SPATC1: variants seen among roughly 807,000 people sequenced by gnomAD.
SPATC1 encodes spermatogenesis and centriole associated 1.
In SPATC1, 35 loss-of-function variants were observed where a neutral mutation model predicts 36.5. The ratio of observed to expected loss-of-function variants is 0.96; its 90% confidence interval spans 0.73 to 1.27. The LOEUF is 1.27. SPATC1 is among the 50% of genes most tolerant of loss of function. The pLI, the probability that SPATC1 is intolerant of heterozygous loss-of-function variation, is 0.00. For synonymous variants in SPATC1, 361 were observed against 353.6 expected (o/e 1.02, Z -0.24); for missense variants, 779 against 796.0 (o/e 0.98, Z 0.26).
rs568788545 is a variant in SPATC1, at chr8:144,046,512, A to G, written c.1447-115A>G. 441 of 977,516 alleles carry G rather than the reference A, an allele frequency of 4.5e-4. 9 individuals are homozygous for G. The South Asian group carries it at 6.8e-3, about 15-fold the overall frequency. The allele number at this position is 977,516 out of a possible 1,614,324, so 60.6% of individuals were successfully genotyped here. A position where few individuals can be genotyped will look rare whatever the true frequency, so the allele number is the denominator to read the frequency against. ...GTCTGTCGCAGAACCTCCCCACCGC[A>G]CACCCCTCGGATCCTGGCCATCTCA... On this transcript the variant is annotated intron_variant, in intron 4 of 4. Coordinates refer to ENST00000377470, the MANE Select transcript of SPATC1 (RefSeq NM_198572.3). This position sits in a 1 kb window ranked among gnomAD's most constrained non-coding sequence, Gnocchi z 6.6.
chr8:144,024,374 C>CTA, intron 1 of SPATC1, among the ~76,000 whole-genome samples: 1 of 133,508 alleles, frequency 7.5e-6, no homozygotes, highest in Middle Eastern at 3.8e-3. Flanking sequence ...CCCAAAGGAC[C>CTA]CCCTTCCCTC....
chr8:144,037,678 G>C (rs556028886), intron 1 of SPATC1, among the ~76,000 whole-genome samples: 2 of 151,868 alleles, frequency 1.3e-5, no homozygotes, highest in Admixed American at 1.3e-4. Context: ...GTGGAAGGCC[G>C]CAGGGTCCTC....
At chr8:144,036,484 C>T (rs1014909983) in intron 1 of SPATC1, among the ~76,000 whole-genome samples, 6 of 152,166 alleles carry the variant, frequency 3.9e-5, no homozygotes, top group Non-Finnish European at 5.9e-5. Context: ...CCACCATACC[C>T]GGCTAATTTT....
chr8:144,028,728 A>G (rs1161270992), intron 1 of SPATC1, among the ~76,000 whole-genome samples: 5 of 152,248 alleles, frequency 3.3e-5, no homozygotes, highest in Admixed American at 1.3e-4. Flanking sequence ...AATATAAATC[A>G]TTCTATTATG....
At chr8:144,027,903 G>T (rs1170799781) in intron 1 of SPATC1, among the ~76,000 whole-genome samples, 1 of 152,018 alleles carries the variant, frequency 6.6e-6, no homozygotes, top group African/African-American at 2.4e-5. Flanking sequence ...TGAGGCAGGA[G>T]AATCACTTGA....
Position 144,016,981 on chromosome 8 carries a change from C to T in SPATC1, c.211+4255C>T, listed in dbSNP as rs537564939. The stretch of plus-strand genomic sequence containing the variant: ...ACAGAGAATAATCATGTTTGTGCTT[C>T]AGAAACGTTACCCCAGATGCTATGG... On this transcript the variant is annotated intron_variant, in intron 1 of 4. Transcript: ENST00000377470. This position sits in a 1 kb window ranked among gnomAD's most constrained non-coding sequence, Gnocchi z 4.5. 5.8e-4 allele frequency among the ~76,000 whole-genome samples: 88 copies of T among 152,148 alleles called. No homozygotes were observed. The highest frequency in any genetic ancestry group is 1.1e-3 in the Non-Finnish European group (72 of 68,032).
At chr8:144,024,713 G>A (rs1477041525) in intron 1 of SPATC1, among the ~76,000 whole-genome samples, 2 of 136,972 alleles carry the variant, frequency 1.5e-5, no homozygotes, top group Middle Eastern at 4.5e-3. Flanking sequence ...TTTCCCTGAA[G>A]GCCCTCTTCC....
rs782277214 is a variant in SPATC1, at chr8:144,040,782, C to G, written c.981C>G (p.Thr327=). The change falls in exon 3 of 5, where the codon ACC becomes ACG. Residue 327 remains threonine, a synonymous_variant. Transcript: ENST00000377470. The stretch of plus-strand genomic sequence containing the variant: ...CTGCATCTGTCCCCACCTCCCCCAC[C>G]ACCTCCCCCACGGTCACCGTCCTTG... ...VVPASVPTSP[T]TSPTVTVLAS... 1.3e-6 allele frequency: 2 copies of G among 1,563,906 alleles called. No homozygotes were observed. Among genetic ancestry groups the G allele is most frequent in the African/African-American group, 2.8e-5 (2 of 71,462 alleles).
intron 1 of SPATC1, among the ~76,000 whole-genome samples, chr8:144,034,588 T>G (rs2133131775): frequency 6.6e-6 from 1 of 152,266 alleles, no homozygotes; most frequent in South Asian, 2.1e-4. Flanking sequence ...CCCACCTCTT[T>G]TTCAGAGTGG....
At chr8:144,014,115 G>A (rs1467966677) in intron 1 of SPATC1, among the ~76,000 whole-genome samples, 1 of 152,144 alleles carries the variant, frequency 6.6e-6, no homozygotes, top group African/African-American at 2.4e-5. Context: ...AGCCAGGCGT[G>A]GTGGCACATG....
intron 1 of SPATC1, 61 bp from the exon 2 acceptor site, chr8:144,039,848 C>G: frequency 6.5e-7 from 1 of 1,543,276 alleles, no homozygotes; most frequent in Non-Finnish European, 8.8e-7. Flanking sequence ...AGCCTGTGAC[C>G]ACCCTCGCCG....
chr8:144,028,582 A>G (rs1587504749), intron 1 of SPATC1, among the ~76,000 whole-genome samples: 1 of 152,196 alleles, frequency 6.6e-6, no homozygotes. Flanking sequence ...TGGAGAAATA[A>G]GAATATTTTT....
At chr8:144,018,877 CAAA>C (rs1165770098) in intron 1 of SPATC1, among the ~76,000 whole-genome samples, 2 of 96,646 alleles carry the variant, frequency 2.1e-5, no homozygotes, top group Non-Finnish European at 3.9e-5. Context: ...ACTAAAAATA[CAAA>C]AAAAAAAAAA....
chr8:144,018,549 G>T (rs1269229104), intron 1 of SPATC1, among the ~76,000 whole-genome samples: 1 of 152,066 alleles, frequency 6.6e-6, no homozygotes, highest in Non-Finnish European at 1.5e-5. Flanking sequence ...ACATTATGGG[G>T]TGGGGAGTGC....
chr8:144,012,365 G>A lies in SPATC1; in HGVS notation c.-151G>A. ...TAGAGCAGAGAGGGCAAGGAAGAGG[G>A]CACAGCCTCTGACCTCACAATACCC... On this transcript the variant is annotated 5_prime_UTR_variant, in exon 1 of 5. Transcript: ENST00000377470. 1 of 648,666 alleles carries A rather than the reference G, an allele frequency of 1.5e-6. No individual in the cohort carries two copies. The highest frequency in any genetic ancestry group is 2.7e-5 in the Admixed American group (1 of 36,940). 40.2% of individuals were successfully genotyped at this position (648,666 alleles called of 1,614,324 possible). A position where few individuals can be genotyped will look rare whatever the true frequency, so the allele number is the denominator to read the frequency against.
chr8:144,046,889 CGCT>C lies in SPATC1; in HGVS notation c.1719_1721del (p.Leu574del). On this transcript the variant is annotated inframe_deletion, in exon 5 of 5. Transcript: ENST00000377470. This position sits in a 1 kb window ranked among gnomAD's most constrained non-coding sequence, Gnocchi z 6.6. Reference sequence around the variant, plus strand: ...GTGCACCCCGGCATGCTCGCCGACGCGCTGCTGCTGCTCTCCTGCCTCAGCCAG... The same window carrying C: ...GTGCACCCCGGCATGCTCGCCGACGCGCTGCTGCTCTCCTGCCTCAGCCAG... The C allele has an allele frequency of 6.3e-7, 1 of 1,599,584 alleles. No individual in the cohort carries two copies. The highest frequency in any genetic ancestry group is 8.5e-7 in the Non-Finnish European group (1 of 1,179,740).
intron 4 of SPATC1, among the ~76,000 whole-genome samples, chr8:144,043,288 C>T (rs987798930): frequency 4.7e-5 from 7 of 149,054 alleles, no homozygotes; most frequent in Non-Finnish European, 8.9e-5. Context: ...AGCCACGGTG[C>T]CCAGCCTTAC....
Position 144,036,689 on chromosome 8 carries a change from G to A in SPATC1, c.212-3220G>A, listed in dbSNP as rs1834904728. 2.0e-5 allele frequency among the ~76,000 whole-genome samples: 3 copies of A among 152,254 alleles called. No homozygotes were observed. In the South Asian group the frequency reaches 6.2e-4, roughly 32 times the overall value. ...TCTCACCACACATCACAGAGGATTA[G>A]CTCTGAAGAGATAGAAGTAGTGCAC... On this transcript the variant is annotated intron_variant, in intron 1 of 4. Transcript: ENST00000377470.
chr8:144,040,419 G>C lies in SPATC1; in HGVS notation c.722G>C (p.Gly241Ala). Residue 241 changes from glycine to alanine, a missense_variant, in exon 2 of 5, where the codon GGG becomes GCG. Coordinates refer to ENST00000377470, the MANE Select transcript of SPATC1 (RefSeq NM_198572.3). ...GAGCCACTCCGCGGAGGCCCCACTG[G>C]GCCCCAGTCCCCAGCTTGCGTGGTA... Reference protein sequence around the residue: ...LAEPLRGGPTGPQSPACVVPT... With the variant: ...LAEPLRGGPTAPQSPACVVPT... 1 of 1,609,508 alleles carries C rather than the reference G, an allele frequency of 6.2e-7. No homozygotes were observed. Among genetic ancestry groups the C allele is most frequent in the Non-Finnish European group, 8.5e-7 (1 of 1,178,592 alleles).
Sources: gnomAD v4.1 joint callset for allele counts (sites outside exome capture counted in the v4.1 genomes callset) on GRCh38, gnomAD v4.1.1 for gene constraint, Gnocchi (gnomAD v3.1) non-coding constraint, MANE v1.5 for transcripts, NCBI Gene and HGNC (gene_info 2026-07-23, HGNC 2026-07-21) for gene names.